TRAF3IP1: variants seen among roughly 807,000 people sequenced by gnomAD.
TRAF3IP1 encodes intraflagellar transport 54, also known as TRAF3-interacting protein 1.
Under a neutral mutation model 89.9 loss-of-function variants are expected in TRAF3IP1, and 53 were observed. The observed-to-expected ratio is 0.59, with a 90% CI of 0.47 to 0.74. TRAF3IP1 has a LOEUF of 0.74. Ranked by LOEUF, TRAF3IP1 falls within the 30% of genes least tolerant of loss-of-function variation. The pLI, the probability that TRAF3IP1 is intolerant of heterozygous loss-of-function variation, is 0.00. For synonymous variants in TRAF3IP1, 311 were observed against 322.1 expected (o/e 0.97, Z 0.37); for missense variants, 806 against 866.1 (o/e 0.93, Z 0.87).
At chr2:238,358,196 C>T (rs1574936689) in intron 15 of TRAF3IP1, among the ~76,000 whole-genome samples, 1 of 151,574 alleles carries the variant, frequency 6.6e-6, no homozygotes, top group East Asian at 1.9e-4. Context: ...CTGCAAGCTC[C>T]GCCTCCCGGA....
At chr2:238,367,163 C>CAAAAAAAAAAAAAAAAAA (rs33964253) in intron 15 of TRAF3IP1, among the ~76,000 whole-genome samples, 1 of 36,146 alleles carries the variant, frequency 2.8e-5, no homozygotes, top group Non-Finnish European at 4.3e-5. Context: ...GACTCTGTCT[C>CAAAAAAAAAAAAAAAAAA]AAAAAAAAAA....
rs1339474787 is a variant in TRAF3IP1, at chr2:238,325,389, G to C, written c.192+15G>C. On this transcript the variant is annotated intron_variant, in intron 2 of 16. Transcript: ENST00000373327. ...ATAATGTGAAGGTGGGTTTGAGTCG[G>C]GCTTCTCCTATTGACTCCTCGCCTT... 5 of 1,613,960 alleles carry C rather than the reference G, an allele frequency of 3.1e-6. No homozygotes were observed. Among genetic ancestry groups the C allele is most frequent in the Non-Finnish European group, 3.4e-6 (4 of 1,179,978 alleles).
intron 15 of TRAF3IP1, among the ~76,000 whole-genome samples, chr2:238,384,539 A>ATTTTTTTTT (rs35203636): frequency 8.3e-6 from 1 of 119,906 alleles, no homozygotes; most frequent in Non-Finnish European, 1.7e-5. Flanking sequence ...CGCCTGGCTA[A>ATTTTTTTTT]TTTTTTTTTT....
At chr2:238,380,850 T>C (rs994517921) in intron 15 of TRAF3IP1, among the ~76,000 whole-genome samples, 2 of 152,228 alleles carry the variant, frequency 1.3e-5, no homozygotes, top group Non-Finnish European at 2.9e-5. Flanking sequence ...TTCATTTTCA[T>C]GAAGGTGTGT....
chr2:238,385,319 A>G (rs1401295134), intron 15 of TRAF3IP1, among the ~76,000 whole-genome samples: 2 of 152,188 alleles, frequency 1.3e-5, no homozygotes, highest in Non-Finnish European at 2.9e-5. Context: ...CCTGGCCTGT[A>G]GCATCGTTTA....
At chr2:238,362,922 CAG>C (rs1445127641) in intron 15 of TRAF3IP1, among the ~76,000 whole-genome samples, 1 of 152,210 alleles carries the variant, frequency 6.6e-6, no homozygotes, top group Non-Finnish European at 1.5e-5. Flanking sequence ...AGATCAGAAA[CAG>C]GGTCGACCAG....
At chr2:238,352,395 C>CCCCTG (rs1699212773) in intron 12 of TRAF3IP1, among the ~76,000 whole-genome samples, 1 of 152,154 alleles carries the variant, frequency 6.6e-6, no homozygotes, top group African/African-American at 2.4e-5. Context: ...CCCAATGTGG[C>CCCCTG]CCCTGCCCTG....
intron 7 of TRAF3IP1, among the ~76,000 whole-genome samples, chr2:238,335,831 C>T (rs1371686454): frequency 6.6e-6 from 1 of 150,958 alleles, no homozygotes; most frequent in Non-Finnish European, 1.5e-5. Flanking sequence ...GACGGAGTCT[C>T]ACTCTGTTGC....
intron 14 of TRAF3IP1, among the ~76,000 whole-genome samples, chr2:238,354,241 A>G (rs1380791185): frequency 6.6e-6 from 1 of 152,198 alleles, no homozygotes; most frequent in Non-Finnish European, 1.5e-5. Flanking sequence ...GTTTTCTGAT[A>G]CGACAAGGTG....
intron 15 of TRAF3IP1, among the ~76,000 whole-genome samples, chr2:238,364,776 C>T (rs899885380): frequency 2.6e-5 from 4 of 152,016 alleles, no homozygotes; most frequent in Non-Finnish European, 5.9e-5. Context: ...CTGCTCTCTT[C>T]TCTACTTTCT....
rs893473703 is a variant in TRAF3IP1 at position 238,399,728 on chromosome 2, T to C, written c.*809T>C. ...TAAGAGGGTCTCGCTCTGCAAAGCATTGGCGCCATGGCTTTTCCTTTGCAT... is the reference window on the plus strand; with the variant it reads ...TAAGAGGGTCTCGCTCTGCAAAGCACTGGCGCCATGGCTTTTCCTTTGCAT... On this transcript the variant is annotated 3_prime_UTR_variant, in exon 17 of 17. Transcript: ENST00000373327. 3.3e-5 allele frequency: 5 copies of C among 152,150 alleles called. No individual in the cohort carries two copies. Among genetic ancestry groups the C allele is most frequent in the African/African-American group, 4.8e-5 (2 of 41,428 alleles). 9.4% of individuals were successfully genotyped at this position (152,150 alleles called of 1,614,324 possible).
At chr2:238,396,607 A>G (rs1227598015) in intron 15 of TRAF3IP1, among the ~76,000 whole-genome samples, 3 of 152,210 alleles carry the variant, frequency 2.0e-5, no homozygotes, top group Non-Finnish European at 4.4e-5. Flanking sequence ...ATTGATTCTT[A>G]TCAACTCACA....
intron 7 of TRAF3IP1, 107 bp downstream of exon 7, chr2:238,334,142 G>GCCAC (rs1698269541): frequency 2.4e-6 from 2 of 843,274 alleles, no homozygotes; most frequent in Admixed American, 5.3e-5. Context: ...CTGGAAAACA[G>GCCAC]ACTTGCTGTG....
chr2:238,347,398 T>G, intron 9 of TRAF3IP1, 57 bp from the exon 10 acceptor site: 1 of 1,586,820 alleles, frequency 6.3e-7, no homozygotes, highest in South Asian at 1.1e-5. Context: ...TTCTCATCAT[T>G]TAATGTATTG....
At chr2:238,395,045 G>C (rs368957144) in intron 15 of TRAF3IP1, among the ~76,000 whole-genome samples, 3 of 152,054 alleles carry the variant, frequency 2.0e-5, no homozygotes, top group East Asian at 1.9e-4. Flanking sequence ...TGGAGTGGGT[G>C]GGGGGGTGTC....
intron 8 of TRAF3IP1, 146 bp downstream of exon 8, chr2:238,338,603 T>C: frequency 2.0e-6 from 1 of 490,068 alleles, no homozygotes; most frequent in South Asian, 4.5e-5. Context: ...AGACTGGACA[T>C]AACTTGAGGT....
At chr2:238,374,997 G>C (rs1230726118) in intron 15 of TRAF3IP1, among the ~76,000 whole-genome samples, 2 of 152,002 alleles carry the variant, frequency 1.3e-5, no homozygotes, top group Non-Finnish European at 2.9e-5. Context: ...ATTTTTTATT[G>C]CATCTATTTG....
chr2:238,353,193 A>G lies in TRAF3IP1; in HGVS notation c.1596A>G (p.Glu532=), dbSNP rs1699250346. 6.2e-7 allele frequency: 1 copy of G among 1,614,188 alleles called. No individual in the cohort carries two copies. The highest frequency in any genetic ancestry group is 8.5e-7 in the Non-Finnish European group (1 of 1,180,030). ...CTCAGGTAACAGCAGTGGAACTAGA[A>G]GAAGAGGAGAAGCATGGTGAGTCCT... ...EIEMVTAVEL[E]EEEKHGGLVK... The change falls in exon 14 of 17, where the codon GAA becomes GAG. Residue 532 remains glutamate, a synonymous_variant. Transcript: ENST00000373327.
intron 15 of TRAF3IP1, among the ~76,000 whole-genome samples, chr2:238,368,848 T>G (rs1699992029): frequency 6.6e-6 from 1 of 152,084 alleles, no homozygotes; most frequent in Non-Finnish European, 1.5e-5. Context: ...TTTTTTTTTA[T>G]TTTTAGTAGA....
Sources: allele counts gnomAD v4.1 joint callset (sites outside exome capture counted in the v4.1 genomes callset), GRCh38; gene constraint gnomAD v4.1.1; transcripts MANE v1.5; gene names NCBI Gene and HGNC (gene_info 2026-07-23, HGNC 2026-07-21).